RMDN1: variants seen among roughly 807,000 people sequenced by gnomAD.
RMDN1 encodes the protein regulator of microtubule dynamics protein 1.
A neutral mutation model predicts 48.9 loss-of-function variants in RMDN1; 48 were observed. That is an observed-to-expected ratio of 0.98 (90% CI 0.78 to 1.25). RMDN1 has a LOEUF of 1.25. Ranked by LOEUF, RMDN1 falls within the 50% of genes most tolerant of loss-of-function variation. RMDN1 has a pLI of 0.00. For missense variants in RMDN1, 418 were observed against 373.4 expected, an observed-to-expected ratio of 1.12 and a Z score of -0.98; for synonymous variants, 148 against 132.6, an observed-to-expected ratio of 1.12 and a Z score of -0.80.
chr8:86,504,578 G>A (rs188698085), intron 2 of RMDN1: 210 of 1,140,690 alleles, frequency 1.8e-4, no homozygotes, highest in East Asian at 1.5e-3. Flanking sequence ...GCAGGAAGGC[G>A]GACCCTGCAT....
At chr8:86,475,449 C>CA (rs532328851) in intron 8 of RMDN1, among the ~76,000 whole-genome samples, 1 of 151,602 alleles carries the variant, frequency 6.6e-6, no homozygotes, top group Non-Finnish European at 1.5e-5. Context: ...GAGGATGAAA[C>CA]AAAACCTCTG....
At chr8:86,476,963 A>G (rs1170557116) in intron 8 of RMDN1, among the ~76,000 whole-genome samples, 1 of 152,166 alleles carries the variant, frequency 6.6e-6, no homozygotes, top group Non-Finnish European at 1.5e-5. Context: ...GGCCTTCCAA[A>G]GTGCTGGGAT....
intron 4 of RMDN1, among the ~76,000 whole-genome samples, chr8:86,485,279 G>A (rs928770036): frequency 6.6e-6 from 1 of 152,086 alleles, no homozygotes; most frequent in Non-Finnish European, 1.5e-5. Context: ...ACAAAAATTA[G>A]CTGGGCATGG....
At chr8:86,487,989 T>G (rs1038422967) in intron 3 of RMDN1, among the ~76,000 whole-genome samples, 1 of 152,180 alleles carries the variant, frequency 6.6e-6, no homozygotes, top group Non-Finnish European at 1.5e-5. Context: ...CCATATGACT[T>G]ACTTCATAGG....
downstream of RMDN1, among the ~76,000 whole-genome samples, chr8:86,470,909 G>C (rs900912216): frequency 2.0e-5 from 3 of 152,162 alleles, no homozygotes; most frequent in Non-Finnish European, 4.4e-5. Flanking sequence ...TAAAGGGACA[G>C]CACTGGGGAT....
chr8:86,508,242 C>A (rs1015253680), intron 1 of RMDN1: 1 of 434,344 alleles, frequency 2.3e-6, no homozygotes. Context: ...ACAAGAAGGG[C>A]GGGTAGCAGG....
downstream of RMDN1, among the ~76,000 whole-genome samples, chr8:86,469,184 C>CA (rs1812340568): frequency 7.4e-6 from 1 of 135,112 alleles, no homozygotes; most frequent in East Asian, 2.8e-4. Flanking sequence ...TTGTTTGTCC[C>CA]GCCCCCCCCA....
At chr8:86,491,420 C>G (rs907991779) in intron 2 of RMDN1, among the ~76,000 whole-genome samples, 2 of 152,172 alleles carry the variant, frequency 1.3e-5, no homozygotes, top group Admixed American at 1.3e-4. Flanking sequence ...AAATCAAACA[C>G]TGTACAATTT....
At chr8:86,499,870 C>A (rs188080859) in intron 2 of RMDN1, among the ~76,000 whole-genome samples, 1 of 152,222 alleles carries the variant, frequency 6.6e-6, no homozygotes, top group East Asian at 1.9e-4. Context: ...TTAGAGAACT[C>A]AGAAATAAAG....
downstream of RMDN1, among the ~76,000 whole-genome samples, chr8:86,471,459 T>C (rs984782835): frequency 6.6e-6 from 1 of 152,096 alleles, no homozygotes; most frequent in Non-Finnish European, 1.5e-5. Flanking sequence ...CACAATATGC[T>C]AATATGAATT....
Position 86,486,611 on chromosome 8 carries a change from C to A in RMDN1, c.368G>T (p.Arg123Leu). 1 of 1,602,790 alleles carries A rather than the reference C, an allele frequency of 6.2e-7. No homozygotes were observed. The highest frequency in any genetic ancestry group is 8.5e-7 in the Non-Finnish European group (1 of 1,174,296). ...EDAELLWRLA[R>L]ASRDVAQLSR... is the part of the protein sequence containing the mutation. Reference sequence around the variant, plus strand: ...AAGCTGAGCTACATCACGTGATGCCCGTGCCAAACGCCACAGTAACTCTGC... The same window carrying A: ...AAGCTGAGCTACATCACGTGATGCCAGTGCCAAACGCCACAGTAACTCTGC... Residue 123 changes from arginine to leucine, a missense_variant, in exon 4 of 10, where the codon CGG (arginine) becomes CTG (leucine). By Grantham distance (102) the Arg-to-Leu change is moderately radical (BLOSUM62 -2). Transcript: ENST00000406452.
rs138344042 is a variant in RMDN1, at chr8:86,488,692, A to G, written c.248-53T>C. On this transcript the variant is annotated intron_variant, in intron 2 of 9. Transcript: ENST00000406452. ...ACAATAAAATAGGTCTTCCCAAGTC[A>G]GATGACAATAATTCAAAGAAACTTA... 2.1e-4 allele frequency: 257 copies of G among 1,213,784 alleles called. No homozygotes were observed. In the African/African-American group the frequency reaches 3.6e-3, roughly 17 times the overall value. 75.2% of individuals were successfully genotyped at this position (1,213,784 alleles called of 1,614,324 possible). A position where few individuals can be genotyped will look rare whatever the true frequency, so the allele number is the denominator to read the frequency against.
At chr8:86,498,944 AC>A (rs1469815518) in intron 2 of RMDN1, among the ~76,000 whole-genome samples, 1 of 152,240 alleles carries the variant, frequency 6.6e-6, no homozygotes, top group East Asian at 1.9e-4. Flanking sequence ...CATCACAGAA[AC>A]AGAACTAAAA....
At chr8:86,471,281 A>AAAAC (rs1009208243), downstream of RMDN1, among the ~76,000 whole-genome samples, 33 of 152,188 alleles carry the variant, frequency 2.2e-4, no homozygotes, top group African/African-American at 7.9e-4. Flanking sequence ...GATCTCACAA[A>AAAAC]AAACAAACAA....
Position 86,474,091 on chromosome 8 carries a change from TTGCC to T in RMDN1, c.*213_*216del. On this transcript the variant is annotated 3_prime_UTR_variant, in exon 10 of 10. Transcript: ENST00000406452. ...GTATCCAGGATGCAAAATAATCTCT[TTGCC>T]TGAGCCATGGAGATTTATTTCTACC... 1 of 1,281,312 alleles carries T rather than the reference TTGCC, an allele frequency of 7.8e-7. No individual in the cohort carries two copies. The highest frequency in any genetic ancestry group is 9.9e-7 in the Non-Finnish European group (1 of 1,013,330). The allele number at this position is 1,281,312 out of a possible 1,614,324, so 79.4% of individuals were successfully genotyped here. A position where few individuals can be genotyped will look rare whatever the true frequency, so the allele number is the denominator to read the frequency against.
intron 5 of RMDN1, 24 bp from the exon 6 acceptor site, chr8:86,480,356 A>C (rs1814156901): frequency 3.6e-6 from 5 of 1,376,336 alleles, no homozygotes; most frequent in Non-Finnish European, 5.0e-6. Context: ...AGAAAAATAA[A>C]TCATATTTGT....
chr8:86,497,591 CT>C (rs1199486586), intron 2 of RMDN1, among the ~76,000 whole-genome samples: 1 of 151,442 alleles, frequency 6.6e-6, no homozygotes, highest in Non-Finnish European at 1.5e-5. Flanking sequence ...ATCCCAGCTA[CT>C]TGGGAGGCCA....
chr8:86,474,647 T>G, intron 9 of RMDN1, 173 bp downstream of exon 9: 1 of 777,036 alleles, frequency 1.3e-6, no homozygotes, highest in Admixed American at 2.0e-5. Context: ...TGATAGTAAC[T>G]AAATTATTTC....
In RMDN1 at chr8:86,507,012, A is replaced by G. The variant is rs1819479804; in HGVS notation, c.230T>C (p.Val77Ala). Residue 77 changes from valine (V) to alanine (A), a missense_variant, in exon 2 of 10, where the codon GTT becomes GCT. By Grantham distance (64) the Val-to-Ala change is moderately conservative (BLOSUM62 0). Transcript: ENST00000406452. ...ATGCTTACCTTTGGCTGTGGCATGAACCACAGCAGCCTGAGAGATAACCTG... is the reference window on the plus strand; with the variant it reads ...ATGCTTACCTTTGGCTGTGGCATGAGCCACAGCAGCCTGAGAGATAACCTG... ...TYQVISQAAV[V>A]HATAKVEEIL... The G allele has an allele frequency of 6.3e-7, 1 of 1,598,304 alleles. No individual in the cohort carries two copies. Among genetic ancestry groups the G allele is most frequent in the African/African-American group, 1.3e-5 (1 of 74,762 alleles).
Sources: allele counts gnomAD v4.1 joint callset (sites outside exome capture counted in the v4.1 genomes callset), GRCh38; gene constraint gnomAD v4.1.1; transcripts MANE v1.5; gene names NCBI Gene and HGNC (gene_info 2026-07-23, HGNC 2026-07-21).